Variants in HHAT observed in about 807,000 individuals in gnomAD.
HHAT encodes protein-cysteine N-palmitoyltransferase HHAT.
Under a neutral mutation model 70.8 loss-of-function variants are expected in HHAT, and 47 were observed. That is an observed-to-expected ratio of 0.66 (90% CI 0.53 to 0.85). The LOEUF is 0.85. HHAT is among the 40% of genes least tolerant of loss of function. The pLI is 0.00. For missense variants in HHAT, 609 were observed against 604.8 expected (o/e 1.01, Z -0.07); for synonymous variants, 228 against 247.6 (o/e 0.92, Z 0.74).
chr1:210,569,349 G>A (rs192706970), intron 9 of HHAT, among the ~76,000 whole-genome samples: 7 of 116,266 alleles, frequency 6.0e-5, no homozygotes, highest in Admixed American at 1.1e-4. Context: ...ACTCCAGCTC[G>A]GGCGACAGAG....
intron 9 of HHAT, among the ~76,000 whole-genome samples, chr1:210,586,677 G>A (rs1029063803): frequency 9.2e-5 from 14 of 152,178 alleles, no homozygotes; most frequent in Non-Finnish European, 2.9e-5. Flanking sequence ...TGTGTATTCA[G>A]AAAAGGATTT....
intron 7 of HHAT, among the ~76,000 whole-genome samples, chr1:210,426,823 G>T (rs1408732750): frequency 6.6e-6 from 1 of 152,136 alleles, no homozygotes; most frequent in Non-Finnish European, 1.5e-5. Context: ...TCTCTGCCAG[G>T]TTTTGGCATC....
chr1:210,373,595 C>A (rs556049430), intron 3 of HHAT, among the ~76,000 whole-genome samples: 2 of 152,268 alleles, frequency 1.3e-5, no homozygotes, highest in Admixed American at 1.3e-4. Flanking sequence ...GTTATTCCAT[C>A]ATGATTTTGC....
chr1:210,568,346 T>G (rs959839966), intron 9 of HHAT, among the ~76,000 whole-genome samples: 2 of 152,182 alleles, frequency 1.3e-5, no homozygotes, highest in African/African-American at 4.8e-5. Flanking sequence ...ATAATAACAA[T>G]TTAGGGTAGA....
chr1:210,499,658 A>G (rs63145163), intron 8 of HHAT, among the ~76,000 whole-genome samples: 3 of 143,684 alleles, frequency 2.1e-5, no homozygotes, highest in Non-Finnish European at 4.6e-5. Context: ...AAAAAAAAAA[A>G]TTATGGAAGG....
intron 9 of HHAT, among the ~76,000 whole-genome samples, chr1:210,587,687 G>A (rs1660770660): frequency 6.6e-6 from 1 of 152,186 alleles, no homozygotes; most frequent in Admixed American, 6.5e-5. Flanking sequence ...TTGAGCCTGT[G>A]TGTTCATTTA....
chr1:210,346,418 C>A (rs1436673313), intron 1 of HHAT, among the ~76,000 whole-genome samples: 2 of 152,058 alleles, frequency 1.3e-5, no homozygotes, highest in African/African-American at 4.8e-5. Context: ...CTGAAAAGTT[C>A]CAGAAAGGAG....
At chr1:210,410,796 G>T (rs1043093306) in intron 6 of HHAT, among the ~76,000 whole-genome samples, 9 of 152,200 alleles carry the variant, frequency 5.9e-5, no homozygotes, top group South Asian at 4.2e-4. Context: ...TAAGTGCTGG[G>T]ATTACACGCA....
chr1:210,628,467 T>TAC (rs1330417700), intron 11 of HHAT, among the ~76,000 whole-genome samples: 1 of 152,036 alleles, frequency 6.6e-6, no homozygotes, highest in African/African-American at 2.4e-5. Context: ...GATGCCTCAT[T>TAC]ACACACACAC....
chr1:210,531,999 G>A (rs1418874246), intron 9 of HHAT, among the ~76,000 whole-genome samples: 1 of 152,128 alleles, frequency 6.6e-6, no homozygotes, highest in Non-Finnish European at 1.5e-5. Flanking sequence ...AAATGTATGT[G>A]GACTAGAAAG....
chr1:210,600,959 T>G (rs1350955444), intron 10 of HHAT, among the ~76,000 whole-genome samples: 1 of 151,726 alleles, frequency 6.6e-6, no homozygotes, highest in African/African-American at 2.4e-5. Context: ...GCCCCAAGAG[T>G]GTCCTGCTGA....
intron 3 of HHAT, among the ~76,000 whole-genome samples, chr1:210,379,936 GAGA>G (rs941871009): frequency 2.0e-5 from 3 of 152,182 alleles, no homozygotes; most frequent in Middle Eastern, 3.4e-3. Context: ...ATAATTTGCA[GAGA>G]AGATCATCCA....
intron 7 of HHAT, among the ~76,000 whole-genome samples, chr1:210,452,210 C>T (rs1024663134): frequency 1.3e-5 from 2 of 152,134 alleles, no homozygotes; most frequent in Non-Finnish European, 2.9e-5. Context: ...TCCCATAATT[C>T]GCCTCTCCAT....
At chr1:210,582,770 A>G (rs1283775566) in intron 9 of HHAT, among the ~76,000 whole-genome samples, 1 of 152,220 alleles carries the variant, frequency 6.6e-6, no homozygotes, top group Admixed American at 6.5e-5. Flanking sequence ...AGCAGGTGTT[A>G]TCTCTGCTTG....
In HHAT at chr1:210,490,186, C is replaced by T. The variant is rs571033483; in HGVS notation, c.1008-22967C>T. Among the ~76,000 whole-genome samples, 10 of 152,326 alleles carry T rather than the reference C, an allele frequency of 6.6e-5. No individual in the cohort carries two copies. In the East Asian group the frequency reaches 1.9e-3, roughly 29 times the overall value. Reference sequence around the variant, plus strand: ...GATGAAGTGGTCTGGACTCCAGGCTCATAGGCTGCCAAGGCCTTCAAGTCA... The same window carrying T: ...GATGAAGTGGTCTGGACTCCAGGCTTATAGGCTGCCAAGGCCTTCAAGTCA... On this transcript the variant is annotated intron_variant, in intron 8 of 11. Coordinates refer to ENST00000261458, the MANE Select transcript of HHAT (RefSeq NM_018194.6).
At position 210,462,456 on chromosome 1, in the gene HHAT, A is replaced by G. The variant is rs1329905638; in HGVS notation, c.857-2049A>G. On this transcript the variant is annotated intron_variant, in intron 7 of 11. Transcript: ENST00000261458. ...CCATCTCAGCCAGTGAAACTGATTT[A>G]TCACCCAGAGTGATCACATGCCCTT... is the stretch of plus-strand genomic sequence containing the variant. 2.6e-5 allele frequency: 4 copies of G among 152,346 alleles called. No individual in the cohort carries two copies. In the East Asian group the frequency reaches 7.7e-4, roughly 29 times the overall value. The allele number at this position is 152,346 out of a possible 1,614,324, so 9.4% of individuals were successfully genotyped here.
At chr1:210,614,018 CAAAAA>C (rs55874321) in intron 10 of HHAT, among the ~76,000 whole-genome samples, 4,880 of 111,580 alleles carry the variant, frequency 0.044, 182 homozygotes, top group African/African-American at 0.12. Flanking sequence ...GACCCTGCCT[CAAAAA>C]AAAAAAAAAA....
chr1:210,374,412 G>A (rs576656807), intron 3 of HHAT: 3 of 152,358 alleles, frequency 2.0e-5, no homozygotes, highest in East Asian at 1.9e-4. Context: ...GAAATGTTGA[G>A]TCAAAAGAAA....
chr1:210,618,131 A>G (rs963808537), intron 10 of HHAT, among the ~76,000 whole-genome samples: 1 of 152,196 alleles, frequency 6.6e-6, no homozygotes, highest in African/African-American at 2.4e-5. Flanking sequence ...CTAGCTGAAA[A>G]TGACTGAATA....
Sources: allele counts gnomAD v4.1 joint callset (sites outside exome capture counted in the v4.1 genomes callset), GRCh38; gene constraint gnomAD v4.1.1; transcripts MANE v1.5; gene names NCBI Gene and HGNC (gene_info 2026-07-23, HGNC 2026-07-21).